Variants in GRID2 observed in about 807,000 individuals in gnomAD.
GRID2 encodes glutamate receptor ionotropic, delta-2.
In GRID2, 33 loss-of-function variants were observed where a neutral mutation model predicts 114.8. That is an observed-to-expected ratio of 0.29 (90% CI 0.22 to 0.38). GRID2 has a LOEUF of 0.38. GRID2 is among the 10% of genes least tolerant of loss of function. The pLI is 1.00. For missense variants in GRID2, 1,184 were observed against 1,257.7 expected (o/e 0.94, Z 0.89); for synonymous variants, 505 against 449.9 (o/e 1.12, Z -1.55).
chr4:93,173,089 A>G lies in GRID2; in HGVS notation c.736-34315A>G, dbSNP rs538625878. On this transcript the variant is annotated intron_variant, in intron 4 of 15. Coordinates refer to ENST00000282020, the MANE Select transcript of GRID2 (RefSeq NM_001510.4). ...TATTGAAGAGTTAGAAGGAAATTGT[A>G]TTGCCTTAAAAATCAAGACATTATT... 1.1e-4 allele frequency among the ~76,000 whole-genome samples: 17 copies of G among 152,240 alleles called. No homozygotes were observed. In the East Asian group the frequency reaches 2.9e-3, roughly 26 times the overall value.
At chr4:93,345,935 TA>T (rs970399871) in intron 8 of GRID2, among the ~76,000 whole-genome samples, 7 of 152,254 alleles carry the variant, frequency 4.6e-5, no homozygotes, top group South Asian at 4.1e-4. Context: ...GGCAACTTTT[TA>T]AAAAAATCAG....
chr4:93,496,425 CAT>C (rs139632122), intron 12 of GRID2, among the ~76,000 whole-genome samples: 11,447 of 151,692 alleles, frequency 0.075, 888 homozygotes, highest in African/African-American at 0.2. Context: ...TGCTCTATGA[CAT>C]ATTATTACAT....
intron 2 of GRID2, among the ~76,000 whole-genome samples, chr4:92,848,658 C>T (rs954633253): frequency 1.3e-5 from 2 of 151,928 alleles, no homozygotes; most frequent in African/African-American, 4.8e-5. Flanking sequence ...GATGAGTCTA[C>T]ATCATTACCA....
chr4:93,732,635 T>A (rs986546719), intron 14 of GRID2, among the ~76,000 whole-genome samples: 10 of 152,180 alleles, frequency 6.6e-5, no homozygotes, highest in African/African-American at 2.4e-4. Context: ...GCTGAGGCTC[T>A]TTTATGTTGT....
chr4:92,966,165 C>G (rs1000440767), intron 2 of GRID2, among the ~76,000 whole-genome samples: 2 of 151,882 alleles, frequency 1.3e-5, no homozygotes, highest in Non-Finnish European at 2.9e-5. Flanking sequence ...AAACAAAGGG[C>G]AAGGCCTCTG....
chr4:93,242,692 C>G (rs966794996), intron 8 of GRID2, among the ~76,000 whole-genome samples: 1 of 151,746 alleles, frequency 6.6e-6, no homozygotes. Flanking sequence ...AGCTTCAGAG[C>G]CAGAAATTAT....
intron 2 of GRID2, among the ~76,000 whole-genome samples, chr4:92,744,385 G>C (rs553623832): frequency 6.6e-6 from 1 of 151,588 alleles, no homozygotes; most frequent in South Asian, 2.1e-4. Context: ...CTACTCGGGA[G>C]ACTGAGGCAG....
At chr4:92,944,924 A>G (rs1751508272) in intron 2 of GRID2, among the ~76,000 whole-genome samples, 1 of 152,130 alleles carries the variant, frequency 6.6e-6, no homozygotes, top group South Asian at 2.1e-4. Flanking sequence ...TATGCATGGG[A>G]TATAAGCAAC....
rs551459484 is a variant in GRID2, at chr4:92,321,259, A to G, written c.88+16515A>G. 5.9e-5 allele frequency among the ~76,000 whole-genome samples: 9 copies of G among 152,252 alleles called. No individual in the cohort carries two copies. The South Asian group carries it at 1.9e-3, about 32-fold the overall frequency. ...CGGGCCTCTTTTTTCCACCTCCCCT[A>G]GAAGACTCCACCTTCATTGTTAAGG... On this transcript the variant is annotated intron_variant, in intron 1 of 15. Coordinates refer to ENST00000282020, the MANE Select transcript of GRID2 (RefSeq NM_001510.4).
At chr4:93,438,937 G>GT (rs770602887) in intron 10 of GRID2, among the ~76,000 whole-genome samples, 14 of 151,766 alleles carry the variant, frequency 9.2e-5, no homozygotes, top group Non-Finnish European at 1.8e-4. Context: ...GCGGTGTTTG[G>GT]TTTTTTGTCC....
chr4:93,353,300 A>G (rs1197560449), intron 8 of GRID2, among the ~76,000 whole-genome samples: 1 of 152,046 alleles, frequency 6.6e-6, no homozygotes, highest in Non-Finnish European at 1.5e-5. Context: ...AAGGAAAAGT[A>G]CCAGGAACCC....
At chr4:93,150,726 G>A (rs947292171) in intron 4 of GRID2, among the ~76,000 whole-genome samples, 1 of 152,060 alleles carries the variant, frequency 6.6e-6, no homozygotes. Context: ...ATCCCTGCAA[G>A]TGGTAGCCTC....
At chr4:93,168,157 G>A (rs758472890) in intron 4 of GRID2, among the ~76,000 whole-genome samples, 2 of 151,550 alleles carry the variant, frequency 1.3e-5, no homozygotes, top group African/African-American at 2.4e-5. Context: ...GATTGAGATC[G>A]CAGCACTGCA....
chr4:92,760,163 T>C (rs1190801264), intron 2 of GRID2, among the ~76,000 whole-genome samples: 1 of 134,504 alleles, frequency 7.4e-6, no homozygotes, highest in East Asian at 2.2e-4. Context: ...CACTTGAACC[T>C]GGGAGGCAGA....
intron 1 of GRID2, among the ~76,000 whole-genome samples, chr4:92,402,587 A>G (rs886539569): frequency 6.6e-6 from 1 of 152,164 alleles, no homozygotes; most frequent in Non-Finnish European, 1.5e-5. Context: ...TAATATTTTT[A>G]AAGGAATCTT....
rs1553916864 is a variant in GRID2, at chr4:92,688,037, C to CCTTTTT, written c.244+97751_244+97752insCTTTTT. The stretch of plus-strand genomic sequence containing the variant: ...GCCACATTGGTTGACCCTTCTTCTT[C>CCTTTTT]TTTTTTTTTTTTTTTTTTTTTTTTT... On this transcript the variant is annotated intron_variant, in intron 2 of 15. Coordinates refer to ENST00000282020, the MANE Select transcript of GRID2 (RefSeq NM_001510.4). 5.2e-3 allele frequency among the ~76,000 whole-genome samples: 233 copies of CCTTTTT among 44,648 alleles called. 13 individuals are homozygous for CCTTTTT. Among genetic ancestry groups the CCTTTTT allele is most frequent in the East Asian group, 9.0e-3 (17 of 1,886 alleles). The allele number at this position is 44,648 out of a possible 152,430, so 29.3% of individuals were successfully genotyped here.
chr4:93,331,441 T>C (rs754783292), intron 8 of GRID2, among the ~76,000 whole-genome samples: 8 of 151,872 alleles, frequency 5.3e-5, no homozygotes, highest in Non-Finnish European at 8.8e-5. Context: ...GCCTCAACAC[T>C]CCTGATACCA....
chr4:92,685,599 C>T (rs927405469), intron 2 of GRID2, among the ~76,000 whole-genome samples: 1 of 152,034 alleles, frequency 6.6e-6, no homozygotes, highest in Non-Finnish European at 1.5e-5. Context: ...TTTTAACTAT[C>T]TGCACATATT....
intron 2 of GRID2, among the ~76,000 whole-genome samples, chr4:92,634,711 CAG>C (rs927103229): frequency 2.0e-5 from 3 of 146,764 alleles, no homozygotes; most frequent in Non-Finnish European, 3.0e-5. Flanking sequence ...AACTAAATGA[CAG>C]GGAAAATATA....
Sources: allele counts gnomAD v4.1 joint callset (sites outside exome capture counted in the v4.1 genomes callset), GRCh38; gene constraint gnomAD v4.1.1; transcripts MANE v1.5; gene names NCBI Gene and HGNC (gene_info 2026-07-23, HGNC 2026-07-21).